The following HMCN1 variants were observed in gnomAD, a reference collection of about 807,000 sequenced individuals.
The protein encoded by HMCN1 is hemicentin 1.
Under a neutral mutation model 625.9 loss-of-function variants are expected in HMCN1, and 321 were observed. The ratio of observed to expected loss-of-function variants is 0.51; its 90% CI spans 0.47 to 0.56. The LOEUF (loss-of-function observed/expected upper bound fraction) is 0.56. Ranked by LOEUF, HMCN1 falls within the 20% of genes least tolerant of loss-of-function variation. HMCN1 has a pLI of 0.00. For missense variants in HMCN1, 6,588 were observed against 6,887.3 expected (o/e 0.96, Z 1.54); for synonymous variants, 2,425 against 2,417.6 (o/e 1.00, Z -0.09).
At position 186,145,869 on chromosome 1, in the gene HMCN1, C is replaced by T; in HGVS notation, c.14554C>T (p.Pro4852Ser). 1 of 1,614,030 alleles carries T rather than the reference C, an allele frequency of 6.2e-7. No homozygotes were observed. Reference sequence around the variant, plus strand: ...TCCTGTGCCAGTTAAAGGTGGCCGTCCCTGTCCCGGAGACACTACTCAGGT... The same window carrying T: ...TCCTGTGCCAGTTAAAGGTGGCCGTTCCTGTCCCGGAGACACTACTCAGGT... Reference protein sequence around the residue: ...DHPVPVKGGRPCPGDTTQVTR... With the variant: ...DHPVPVKGGRSCPGDTTQVTR... The change falls in exon 93 of 107, where the codon CCC becomes TCC. Residue 4852 changes from proline (P) to serine (S), a missense_variant. This residue lies in a region of HMCN1 where 1,954 missense variants were observed against 2,013.1 expected (regional missense o/e 0.97). Coordinates refer to ENST00000271588, the MANE Select transcript of HMCN1 (RefSeq NM_031935.3).
At position 185,852,577 on chromosome 1, in the gene HMCN1, TACACACACACACACAC is replaced by T. The variant is rs67719442; in HGVS notation, c.339+6514_339+6529del. ...AATATGCATTTGCTTACAAATATCC[TACACACACACACACAC>T]ACACACACACACACACACACACACA... On this transcript the variant is annotated intron_variant, in intron 2 of 106. Coordinates refer to ENST00000271588, the MANE Select transcript of HMCN1 (RefSeq NM_031935.3). Among the ~76,000 whole-genome samples the T allele has an allele frequency of 4.9e-4, 67 of 135,608 alleles. 1 individual carries two copies. The highest frequency in any genetic ancestry group is 1.4e-3 in the African/African-American group (52 of 37,724). The allele number at this position is 135,608 out of a possible 152,430, so 89.0% of individuals were successfully genotyped here.
At chr1:185,875,004 A>G (rs1663843187) in intron 4 of HMCN1, among the ~76,000 whole-genome samples, 1 of 151,894 alleles carries the variant, frequency 6.6e-6, no homozygotes, top group Non-Finnish European at 1.5e-5. Flanking sequence ...TGAATACAAT[A>G]AATTTAAATA....
chr1:185,880,546 G>A (rs1349367068), intron 4 of HMCN1, among the ~76,000 whole-genome samples: 3 of 152,146 alleles, frequency 2.0e-5, no homozygotes, highest in Non-Finnish European at 4.4e-5. Flanking sequence ...AAAGTTGCCT[G>A]ACCTTTGTCC....
intron 36 of HMCN1, among the ~76,000 whole-genome samples, chr1:186,028,064 G>A (rs1655176706): frequency 6.6e-6 from 1 of 152,008 alleles, no homozygotes; most frequent in South Asian, 2.1e-4. Context: ...AATTTCACTA[G>A]ATAGAGAATA....
chr1:186,146,226 GCTAAATAT>G (rs372891654), intron 93 of HMCN1, among the ~76,000 whole-genome samples: 1 of 152,246 alleles, frequency 6.6e-6, no homozygotes, highest in African/African-American at 2.4e-5. Context: ...TGGGGCAGTG[GCTAAATAT>G]CTAAAGAAAG....
intron 5 of HMCN1, 89 bp downstream of exon 5, chr1:185,909,597 C>A: frequency 9.1e-7 from 1 of 1,097,220 alleles, no homozygotes; most frequent in South Asian, 1.3e-5. Context: ...AAGTTAATGC[C>A]AACTTCATGA....
At chr1:185,742,311 C>T (rs575707821) in intron 1 of HMCN1, among the ~76,000 whole-genome samples, 59 of 152,226 alleles carry the variant, frequency 3.9e-4, no homozygotes, top group African/African-American at 1.2e-3. Context: ...GAAATATTGA[C>T]GTTATATATC....
rs374498435 is a variant in HMCN1 at position 186,178,586 on chromosome 1, C to T, written c.16114C>T (p.Leu5372Phe). Residue 5372 changes from leucine to phenylalanine, a missense_variant, in exon 104 of 107, where the codon CTT (leucine) becomes TTT (phenylalanine). Physicochemically the swap from Leu to Phe is conservative, Grantham distance 22. This residue lies in a region of HMCN1 where 1,954 missense variants were observed against 2,013.1 expected (regional missense o/e 0.97). Transcript: ENST00000271588. ...TGGCACTCAATACAGTAGCTATAAC[C>T]TTGCACGGTTCTCCCCTGTGAGAAA... ...NYGTQYSSYN[L>F]ARFSPVRNNY... 235 of 1,614,004 alleles carry T rather than the reference C, an allele frequency of 1.5e-4. No individual in the cohort carries two copies. Among genetic ancestry groups the T allele is most frequent in the Non-Finnish European group, 1.9e-4 (219 of 1,180,010 alleles).
chr1:185,960,285 C>G (rs937303767), intron 11 of HMCN1, among the ~76,000 whole-genome samples: 1 of 151,852 alleles, frequency 6.6e-6, no homozygotes, highest in Admixed American at 6.6e-5. Context: ...TGCACCACCA[C>G]GCCCAGCTAA....
chr1:185,746,393 A>G (rs577530805), intron 1 of HMCN1, among the ~76,000 whole-genome samples: 5 of 152,310 alleles, frequency 3.3e-5, no homozygotes, highest in African/African-American at 9.6e-5. Flanking sequence ...GAAATTTATC[A>G]TCTCACAGTT....
intron 100 of HMCN1, among the ~76,000 whole-genome samples, chr1:186,167,215 A>G (rs1405473598): frequency 6.6e-6 from 1 of 152,224 alleles, no homozygotes; most frequent in East Asian, 1.9e-4. Context: ...GTTTTGAGTG[A>G]CCATTTGCCT....
At chr1:186,180,587 T>C (rs1652871514) in intron 104 of HMCN1, among the ~76,000 whole-genome samples, 2 of 152,210 alleles carry the variant, frequency 1.3e-5, no homozygotes, top group Admixed American at 6.5e-5. Flanking sequence ...TGCAGTTTCA[T>C]CATAGTAGAG....
At chr1:185,749,432 G>A (rs1430246778) in intron 1 of HMCN1, among the ~76,000 whole-genome samples, 1 of 152,136 alleles carries the variant, frequency 6.6e-6, no homozygotes, top group East Asian at 1.9e-4. Context: ...GGAACAAGGA[G>A]AAACCTACTG....
intron 1 of HMCN1, among the ~76,000 whole-genome samples, chr1:185,841,504 T>A (rs1485021204): frequency 6.6e-6 from 1 of 152,192 alleles, no homozygotes; most frequent in Non-Finnish European, 1.5e-5. Flanking sequence ...CGTGATGTAG[T>A]GATAAAGCAA....
chr1:185,759,229 A>T (rs1301752097), intron 1 of HMCN1, among the ~76,000 whole-genome samples: 1 of 152,186 alleles, frequency 6.6e-6, no homozygotes, highest in African/African-American at 2.4e-5. Context: ...TTTTAACTAT[A>T]TCAGTAATAT....
chr1:186,078,002 GA>G, intron 54 of HMCN1, 104 bp from the exon 55 acceptor site: 1 of 797,594 alleles, frequency 1.3e-6, no homozygotes, highest in South Asian at 1.5e-5. Flanking sequence ...CAGGAACCTT[GA>G]AAGAAAATGT....
intron 1 of HMCN1, among the ~76,000 whole-genome samples, chr1:185,758,732 T>A (rs34357708): frequency 6.6e-6 from 1 of 152,210 alleles, no homozygotes; most frequent in Non-Finnish European, 1.5e-5. Context: ...TTCCTCATAT[T>A]TTTCTTCCTC....
At chr1:186,071,442 T>C (rs1424202536) in intron 52 of HMCN1, among the ~76,000 whole-genome samples, 3 of 152,202 alleles carry the variant, frequency 2.0e-5, no homozygotes, top group Non-Finnish European at 4.4e-5. Flanking sequence ...TGTTCTTCCA[T>C]GCATGTTTTA....
In HMCN1 at chr1:186,150,867, A is replaced by G. The variant is rs1423180121; in HGVS notation, c.14609-333A>G. On this transcript the variant is annotated intron_variant, in intron 93 of 106. Transcript: ENST00000271588. ...TTTACCATCATGCATGACATGCTCA[A>G]TAAACTCTCATTGTCATCACCACCA... 3.3e-5 allele frequency among the ~76,000 whole-genome samples: 5 copies of G among 151,952 alleles called. No homozygotes were observed. The South Asian group carries it at 1.0e-3, about 31-fold the overall frequency.
Sources: gnomAD v4.1 joint callset for allele counts (sites outside exome capture counted in the v4.1 genomes callset) on GRCh38, gnomAD v4.1.1 for gene constraint, gnomAD v4.1.1 regional missense constraint, MANE v1.5 for transcripts, NCBI Gene and HGNC (gene_info 2026-07-23, HGNC 2026-07-21) for gene names.